Variants in RIMS1 observed in about 807,000 individuals in gnomAD.
The protein encoded by RIMS1 is regulating synaptic membrane exocytosis protein 1.
RIMS1 carries 83 observed loss-of-function variants against 214.1 expected under a neutral mutation model. That is an observed-to-expected ratio of 0.39 (90% confidence interval 0.32 to 0.47). The LOEUF is 0.47. RIMS1 is among the 20% of genes least tolerant of loss of function. The pLI is 0.99. For synonymous variants in RIMS1, 793 were observed against 786.8 expected (o/e 1.01, Z -0.13); for missense variants, 2,050 against 2,161.8 (o/e 0.95, Z 1.03).
intron 4 of RIMS1, among the ~76,000 whole-genome samples, chr6:72,137,641 G>T (rs1457469438): frequency 6.6e-6 from 1 of 150,722 alleles, no homozygotes; most frequent in Non-Finnish European, 1.5e-5. Flanking sequence ...ATTCCAATCT[G>T]ATATTGTGTG....
intron 6 of RIMS1, among the ~76,000 whole-genome samples, chr6:72,195,045 C>T (rs1201496489): frequency 6.6e-6 from 1 of 151,182 alleles, no homozygotes; most frequent in East Asian, 1.9e-4. Flanking sequence ...ACTGAAGATT[C>T]GTGCCTGTGA....
chr6:71,987,500 C>G (rs879915552), intron 2 of RIMS1, among the ~76,000 whole-genome samples: 15 of 152,150 alleles, frequency 9.9e-5, no homozygotes, highest in African/African-American at 1.4e-4. Flanking sequence ...CTCAAAGGTC[C>G]CACTTCCCAA....
At chr6:72,303,642 T>G (rs1215757371) in intron 26 of RIMS1, among the ~76,000 whole-genome samples, 2 of 151,534 alleles carry the variant, frequency 1.3e-5, no homozygotes, top group South Asian at 2.1e-4. Flanking sequence ...ACTTTCTTAA[T>G]TTTAACATTG....
chr6:72,296,992 A>G (rs925747753), intron 26 of RIMS1, among the ~76,000 whole-genome samples: 1 of 151,882 alleles, frequency 6.6e-6, no homozygotes, highest in Non-Finnish European at 1.5e-5. Flanking sequence ...CCCTTAGCAT[A>G]TTTAGTTATG....
At position 72,313,592 on chromosome 6, in the gene RIMS1, T is replaced by A. The variant is rs759878173; in HGVS notation, c.4050T>A (p.Ile1350=). 29 of 1,613,686 alleles carry A rather than the reference T, an allele frequency of 1.8e-5. No individual in the cohort carries two copies. Among genetic ancestry groups the A allele is most frequent in the Non-Finnish European group, 2.5e-5 (29 of 1,179,808 alleles). The change falls in exon 28 of 34, where the codon ATT becomes ATA. Residue 1350 remains isoleucine, a synonymous_variant. Transcript: ENST00000521978. ...SDSDVSDVSA[I]SRTSSASRLS... is the part of the protein sequence containing the mutation. ...GTGATGTCAGTGATGTTTCCGCCATTTCCCGAACCAGCAGTGCCTCACGCC... is the reference window on the plus strand; with the variant it reads ...GTGATGTCAGTGATGTTTCCGCCATATCCCGAACCAGCAGTGCCTCACGCC...
At chr6:71,933,682 TCACACACA>T (rs10642216) in intron 1 of RIMS1, among the ~76,000 whole-genome samples, 27 of 139,312 alleles carry the variant, frequency 1.9e-4, no homozygotes, top group South Asian at 7.4e-4. Context: ...TCTTCCTCAA[TCACACACA>T]CACACACACA....
At chr6:72,011,816 A>C (rs1035888093) in intron 2 of RIMS1, among the ~76,000 whole-genome samples, 1 of 152,216 alleles carries the variant, frequency 6.6e-6, no homozygotes, top group Non-Finnish European at 1.5e-5. Flanking sequence ...CAATCATTAA[A>C]AAGTCAGGAA....
intron 24 of RIMS1, among the ~76,000 whole-genome samples, chr6:72,290,178 T>A (rs1224319446): frequency 6.6e-6 from 1 of 152,218 alleles, no homozygotes; most frequent in African/African-American, 2.4e-5. Context: ...TCGTTGTTTT[T>A]GGCATAGTCT....
chr6:72,112,098 G>A (rs572403582), intron 4 of RIMS1, among the ~76,000 whole-genome samples: 1 of 152,190 alleles, frequency 6.6e-6, no homozygotes, highest in East Asian at 1.9e-4. Flanking sequence ...TGTAGCAAAT[G>A]ACTAACACAT....
At chr6:72,179,540 A>G in intron 4 of RIMS1, 35 bp from the exon 5 acceptor site, 1 of 1,491,688 alleles carries the variant, frequency 6.7e-7, no homozygotes, top group East Asian at 2.3e-5. Flanking sequence ...CCAAGAGGGC[A>G]TAAAAATTTA....
At chr6:72,183,411 G>A (rs1221535560) in intron 6 of RIMS1, among the ~76,000 whole-genome samples, 1 of 151,926 alleles carries the variant, frequency 6.6e-6, no homozygotes, top group East Asian at 1.9e-4. Context: ...TGGTAAATTT[G>A]GTATGCAGTC....
intron 10 of RIMS1, among the ~76,000 whole-genome samples, chr6:72,244,557 A>T (rs2154118921): frequency 6.6e-6 from 1 of 152,006 alleles, no homozygotes; most frequent in Admixed American, 6.6e-5. Context: ...TTTACAATTT[A>T]ATTTTATTTG....
chr6:72,294,719 A>G (rs2093872047), intron 26 of RIMS1, among the ~76,000 whole-genome samples: 1 of 151,724 alleles, frequency 6.6e-6, no homozygotes, highest in Non-Finnish European at 1.5e-5. Context: ...AAAGGCTAAC[A>G]TATCATTTGG....
intron 6 of RIMS1, among the ~76,000 whole-genome samples, chr6:72,211,680 C>T (rs1218242240): frequency 1.3e-5 from 2 of 151,994 alleles, no homozygotes; most frequent in Non-Finnish European, 2.9e-5. Context: ...ATTTGAAAGT[C>T]AGATTAATTT....
intron 1 of RIMS1, among the ~76,000 whole-genome samples, chr6:71,928,919 TAATA>T (rs1424048821): frequency 2.6e-5 from 4 of 152,148 alleles, no homozygotes; most frequent in Non-Finnish European, 5.9e-5. Flanking sequence ...AGAAAAAGTT[TAATA>T]AATCTCAAAA....
At chr6:72,226,551 A>G (rs763141749) in intron 6 of RIMS1, among the ~76,000 whole-genome samples, 3 of 152,054 alleles carry the variant, frequency 2.0e-5, no homozygotes, top group Non-Finnish European at 4.4e-5. Flanking sequence ...AAGGAATATA[A>G]ACTAAAAAAA....
At chr6:71,920,654 A>C (rs1415460433) in intron 1 of RIMS1, among the ~76,000 whole-genome samples, 1 of 152,168 alleles carries the variant, frequency 6.6e-6, no homozygotes, top group Non-Finnish European at 1.5e-5. Flanking sequence ...ATGTCCTGAG[A>C]CTAAATAACA....
At chr6:72,250,163 G>A (rs1041725717) in intron 12 of RIMS1, among the ~76,000 whole-genome samples, 167 bp from the exon 13 acceptor site, 3 of 152,084 alleles carry the variant, frequency 2.0e-5, no homozygotes, top group Admixed American at 2.0e-4. Flanking sequence ...GAAAAGTAAA[G>A]TTCTGTGTGT....
intron 31 of RIMS1, 60 bp from the exon 32 acceptor site, chr6:72,398,189 G>T: frequency 3.7e-6 from 4 of 1,070,882 alleles, no homozygotes; most frequent in Admixed American, 2.0e-5. Context: ...TCTCCTTTTT[G>T]TTTTAACTGC....
Sources: allele counts gnomAD v4.1 joint callset (sites outside exome capture counted in the v4.1 genomes callset), GRCh38; gene constraint gnomAD v4.1.1; transcripts MANE v1.5; gene names NCBI Gene and HGNC (gene_info 2026-07-23, HGNC 2026-07-21).